Variants in STPG4 observed in about 807,000 individuals in gnomAD.
STPG4 encodes the protein protein STPG4.
STPG4 carries 41 observed loss-of-function variants against 31.5 expected under a neutral mutation model. The observed-to-expected ratio is 1.30, with a 90% CI of 1.01 to 1.69. The LOEUF is 1.69. Among genes scored for constraint, STPG4 ranks in the 40% most tolerant of loss-of-function variants. The pLI is 0.00. For synonymous variants in STPG4, 141 were observed against 103.0 expected (o/e 1.37, Z -2.24); for missense variants, 375 against 293.4 (o/e 1.28, Z -2.03).
intron 5 of STPG4, among the ~76,000 whole-genome samples, chr2:47,094,486 C>T (rs1045190438): frequency 6.6e-6 from 1 of 152,192 alleles, no homozygotes; most frequent in Non-Finnish European, 1.5e-5. Flanking sequence ...TATTTGAGGG[C>T]AACTTTAACC....
chr2:47,154,704 C>A (rs1686995745), intron 1 of STPG4, among the ~76,000 whole-genome samples: 1 of 152,230 alleles, frequency 6.6e-6, no homozygotes, highest in African/African-American at 2.4e-5. Flanking sequence ...GCACTCCTGC[C>A]TGGGTGACAG....
intron 5 of STPG4, among the ~76,000 whole-genome samples, chr2:47,104,594 C>T (rs1685866504): frequency 6.6e-6 from 1 of 151,978 alleles, no homozygotes; most frequent in Admixed American, 6.5e-5. Context: ...GACCACATGT[C>T]CCAACTTACG....
intron 3 of STPG4, among the ~76,000 whole-genome samples, chr2:47,136,827 T>G (rs911131831): frequency 3.3e-5 from 5 of 152,240 alleles, no homozygotes; most frequent in African/African-American, 1.2e-4. Context: ...TAATCGACTT[T>G]TGTATATTAA....
At chr2:47,114,307 C>A (rs571413379) in intron 5 of STPG4, among the ~76,000 whole-genome samples, 5 of 151,984 alleles carry the variant, frequency 3.3e-5, no homozygotes, top group Non-Finnish European at 1.5e-5. Flanking sequence ...GAGTTCGAGA[C>A]CAGCCTGGCC....
chr2:47,094,333 A>G (rs1685629785), intron 5 of STPG4, among the ~76,000 whole-genome samples: 1 of 152,192 alleles, frequency 6.6e-6, no homozygotes, highest in Non-Finnish European at 1.5e-5. Context: ...ACCTTCCTGG[A>G]GTCCTAGAAC....
intron 5 of STPG4, among the ~76,000 whole-genome samples, chr2:47,112,165 T>A (rs1035625702): frequency 6.6e-6 from 1 of 152,134 alleles, no homozygotes; most frequent in Non-Finnish European, 1.5e-5. Context: ...TTTGTTGTTG[T>A]TGTTTTGTTG....
At chr2:47,094,013 G>C (rs979511265) in intron 5 of STPG4, among the ~76,000 whole-genome samples, 1 of 152,194 alleles carries the variant, frequency 6.6e-6, no homozygotes, top group African/African-American at 2.4e-5. Flanking sequence ...CAATAGGAGG[G>C]TGTTTAAAAC....
At chr2:47,118,734 G>C (rs1024203152) in intron 5 of STPG4, among the ~76,000 whole-genome samples, 4 of 152,144 alleles carry the variant, frequency 2.6e-5, no homozygotes, top group Non-Finnish European at 5.9e-5. Flanking sequence ...GTCAAATAGA[G>C]ATGATAAATT....
At chr2:47,151,559 A>C (rs1297781321) in intron 2 of STPG4, 44 bp from the exon 3 acceptor site, 7 of 1,563,088 alleles carry the variant, frequency 4.5e-6, no homozygotes, top group Middle Eastern at 1.9e-4. Context: ...TAAACATGTA[A>C]CTTCTCCTAA....
chr2:47,128,015 T>A (rs973288265), intron 5 of STPG4, among the ~76,000 whole-genome samples: 1 of 152,224 alleles, frequency 6.6e-6, no homozygotes, highest in African/African-American at 2.4e-5. Flanking sequence ...AATTAAGTGC[T>A]GTAATCTGTC....
At chr2:47,099,096 C>G (rs930017022) in intron 5 of STPG4, among the ~76,000 whole-genome samples, 9 of 152,332 alleles carry the variant, frequency 5.9e-5, no homozygotes, top group African/African-American at 9.6e-5. Flanking sequence ...GTTAGGCTGT[C>G]ACATGGGAGG....
At chr2:47,131,807 C>T (rs549368336) in intron 3 of STPG4, among the ~76,000 whole-genome samples, 53 of 152,254 alleles carry the variant, frequency 3.5e-4, no homozygotes, top group Admixed American at 5.9e-4. Flanking sequence ...GCAAACAACC[C>T]GGGTGGCTCC....
At position 47,129,936 on chromosome 2, in the gene STPG4, C is replaced by G. The variant is rs769972742; in HGVS notation, c.519+5G>C. ...TCATGAGTTAACTGTCTACATTATA[C>G]TTACGGGAATAAAATAGGTTGTTGG... On this transcript the variant is annotated splice_donor_5th_base_variant and intron_variant, in intron 5 of 6. Coordinates refer to ENST00000445927, the MANE Select transcript of STPG4 (RefSeq NM_001163561.2). 2 of 1,612,304 alleles carry G rather than the reference C, an allele frequency of 1.2e-6. No homozygotes were observed. Among genetic ancestry groups the G allele is most frequent in the South Asian group, 1.1e-5 (1 of 90,636 alleles).
intron 3 of STPG4, among the ~76,000 whole-genome samples, chr2:47,142,378 GAAATTTC>G (rs771925664): frequency 3.1e-4 from 47 of 152,158 alleles, no homozygotes; most frequent in Admixed American, 9.8e-4. Context: ...CCTTTAAATT[GAAATTTC>G]AAATTTCAAA....
chr2:47,088,900 G>C (rs1355371277), intron 6 of STPG4, among the ~76,000 whole-genome samples: 1 of 152,184 alleles, frequency 6.6e-6, no homozygotes, highest in African/African-American at 2.4e-5. Flanking sequence ...GGAGGCCAGG[G>C]CAGAGAAAAG....
chr2:47,139,633 T>C (rs185941438), intron 3 of STPG4, among the ~76,000 whole-genome samples: 1 of 152,278 alleles, frequency 6.6e-6, no homozygotes, highest in East Asian at 1.9e-4. Flanking sequence ...CTTTGAAGAA[T>C]TTTCCAACAG....
chr2:47,138,940 C>T, intron 3 of STPG4, among the ~76,000 whole-genome samples: 1 of 152,128 alleles, frequency 6.6e-6, no homozygotes, highest in Non-Finnish European at 1.5e-5. Context: ...CTGCCTTGGC[C>T]TCCCAATGTG....
chr2:47,132,165 A>C (rs11125122), intron 3 of STPG4, among the ~76,000 whole-genome samples: 1 of 101,216 alleles, frequency 9.9e-6, no homozygotes, highest in Non-Finnish European at 2.0e-5. Flanking sequence ...ACTCACTCTG[A>C]AAAAAAAAAA....
rs57475505 is a variant in STPG4, at chr2:47,127,252, C to CTTTTTTTTTTTTTTTTTTTTT, written c.519+2668_519+2688dup. Among the ~76,000 whole-genome samples, 18 of 57,478 alleles carry CTTTTTTTTTTTTTTTTTTTTT rather than the reference C, an allele frequency of 3.1e-4. 2 individuals are homozygous for CTTTTTTTTTTTTTTTTTTTTT. The highest frequency in any genetic ancestry group is 4.1e-4 in the African/African-American group (4 of 9,676). 37.7% of individuals were successfully genotyped at this position (57,478 alleles called of 152,430 possible). The stretch of plus-strand genomic sequence containing the variant: ...CAAATAGCTTGTCTTCAAGCTAATT[C>CTTTTTTTTTTTTTTTTTTTTT]TTTTTTTTTTTTTTTTTTTTTTTTT... On this transcript the variant is annotated intron_variant, in intron 5 of 6. Transcript: ENST00000445927.
Sources: allele counts gnomAD v4.1 joint callset (sites outside exome capture counted in the v4.1 genomes callset), GRCh38; gene constraint gnomAD v4.1.1; transcripts MANE v1.5; gene names NCBI Gene and HGNC (gene_info 2026-07-23, HGNC 2026-07-21).